SAMMSON: variants seen among roughly 807,000 people sequenced by gnomAD.
SAMMSON encodes the protein long intergenic non-protein coding RNA 1212.
intron 4 of SAMMSON, chr3:70,137,495 A>G (rs1013158621): frequency 6.6e-5 from 10 of 152,200 alleles, no homozygotes; most frequent in Admixed American, 6.5e-4. Flanking sequence ...TTATTGGGAC[A>G]CAATCATGCT....
chr3:70,061,971 C>T (rs1559783339), intron 3 of SAMMSON, among the ~76,000 whole-genome samples: 1 of 152,082 alleles, frequency 6.6e-6, no homozygotes, highest in Non-Finnish European at 1.5e-5. Flanking sequence ...GTCTTTGGAA[C>T]CCCCAGACTC....
chr3:70,316,244 GAACA>G (rs1405255056), intron 7 of SAMMSON, among the ~76,000 whole-genome samples: 3 of 152,130 alleles, frequency 2.0e-5, no homozygotes, highest in African/African-American at 7.2e-5. Flanking sequence ...AGAGCTTTTT[GAACA>G]AACAAATAAT....
intron 6 of SAMMSON, among the ~76,000 whole-genome samples, chr3:70,272,965 A>G (rs1701988380): frequency 6.6e-6 from 1 of 152,162 alleles, no homozygotes. Flanking sequence ...GTGCATTGTA[A>G]TTGGCATCTT....
intron 4 of SAMMSON, among the ~76,000 whole-genome samples, chr3:70,224,832 C>A (rs7650154): frequency 0.16 from 24,180 of 151,988 alleles, 3,146 homozygotes; most frequent in African/African-American, 0.37. Flanking sequence ...TTTCCCCCCC[C>A]ACACCTCACC....
chr3:70,067,761 C>G (rs1007898721), intron 3 of SAMMSON, among the ~76,000 whole-genome samples: 11 of 152,146 alleles, frequency 7.2e-5, no homozygotes, highest in Admixed American at 5.9e-4. Flanking sequence ...GCAATGTCAC[C>G]TGCAAAGAAT....
intron 4 of SAMMSON, chr3:70,075,348 C>T (rs1367819199): frequency 6.6e-6 from 1 of 152,064 alleles, no homozygotes; most frequent in African/African-American, 2.4e-5. Flanking sequence ...TACTCATGCT[C>T]TGTTAAAACA....
chr3:70,132,650 C>T (rs954832255), intron 4 of SAMMSON, among the ~76,000 whole-genome samples: 1 of 151,732 alleles, frequency 6.6e-6, no homozygotes, highest in Non-Finnish European at 1.5e-5. Flanking sequence ...TTCCAAATTT[C>T]GGAACCTTGG....
At chr3:70,326,211 C>G (rs563788420) in intron 7 of SAMMSON, among the ~76,000 whole-genome samples, 5 of 152,074 alleles carry the variant, frequency 3.3e-5, no homozygotes, top group African/African-American at 1.2e-4. Flanking sequence ...TATTTACTCT[C>G]AGAGTGTAAC....
intron 3 of SAMMSON, among the ~76,000 whole-genome samples, chr3:70,047,574 T>C (rs1456205165): frequency 6.6e-6 from 1 of 152,098 alleles, no homozygotes; most frequent in Non-Finnish European, 1.5e-5. Flanking sequence ...AATCTCGTGA[T>C]CTGCCCACCT....
chr3:70,008,807 C>A (rs546733930), intron 1 of SAMMSON, among the ~76,000 whole-genome samples: 1 of 152,118 alleles, frequency 6.6e-6, no homozygotes, highest in Non-Finnish European at 1.5e-5. Flanking sequence ...TTTTGAGATA[C>A]GTCCCATCAA....
At chr3:70,173,727 T>A (rs1212098133) in intron 4 of SAMMSON, among the ~76,000 whole-genome samples, 11 of 151,986 alleles carry the variant, frequency 7.2e-5, no homozygotes, top group Non-Finnish European at 2.9e-5. Context: ...GTCTTGTTAA[T>A]CATATTTGCC....
At chr3:70,355,149 G>T (rs1250314620) in intron 8 of SAMMSON, among the ~76,000 whole-genome samples, 1 of 152,144 alleles carries the variant, frequency 6.6e-6, no homozygotes, top group Non-Finnish European at 1.5e-5. Context: ...TGAATTCATA[G>T]AACAGCTGCT....
At chr3:70,216,006 T>G (rs529831021) in intron 4 of SAMMSON, among the ~76,000 whole-genome samples, 1 of 152,208 alleles carries the variant, frequency 6.6e-6, no homozygotes, top group South Asian at 2.1e-4. Flanking sequence ...TGCATTGATA[T>G]CTGTAGAACT....
chr3:70,039,593 TCACACACACACACACACACA>T (rs56058406), intron 3 of SAMMSON, among the ~76,000 whole-genome samples: 16 of 135,612 alleles, frequency 1.2e-4, no homozygotes, highest in South Asian at 5.4e-4. Flanking sequence ...ACACATCTCT[TCACACACACACACACACACA>T]CACACACACA....
chr3:70,233,424 C>T (rs1308983439), intron 4 of SAMMSON, among the ~76,000 whole-genome samples: 1 of 152,114 alleles, frequency 6.6e-6, no homozygotes, highest in African/African-American at 2.4e-5. Flanking sequence ...AATCACTTGC[C>T]AGCTGGCATT....
intron 4 of SAMMSON, among the ~76,000 whole-genome samples, chr3:70,094,002 C>G (rs1437351543): frequency 6.6e-6 from 1 of 152,120 alleles, no homozygotes; most frequent in Non-Finnish European, 1.5e-5. Flanking sequence ...GAACCAAAAA[C>G]CTGACTCTGG....
chr3:70,339,981 A>G (rs1412526062), intron 7 of SAMMSON, among the ~76,000 whole-genome samples: 9 of 152,102 alleles, frequency 5.9e-5, no homozygotes, highest in Non-Finnish European at 1.3e-4. Context: ...ACTATTCACA[A>G]TAGCAAAGAC....
chr3:70,376,635 A>T (rs1183129473), intron 9 of SAMMSON, among the ~76,000 whole-genome samples: 1 of 152,096 alleles, frequency 6.6e-6, no homozygotes, highest in African/African-American at 2.4e-5. Context: ...TTTCAACTTC[A>T]CGACCTCTTT....
At chr3:70,245,802 G>T (rs1419237956) in intron 4 of SAMMSON, among the ~76,000 whole-genome samples, 3 of 148,132 alleles carry the variant, frequency 2.0e-5, no homozygotes, top group African/African-American at 7.4e-5. Context: ...TTTAAAATGT[G>T]CTCTTCCTGT....
Sources: gnomAD v4.1 joint callset for allele counts (sites outside exome capture counted in the v4.1 genomes callset) on GRCh38, gnomAD v4.1.1 for gene constraint, MANE v1.5 for transcripts, NCBI Gene and HGNC (gene_info 2026-07-23, HGNC 2026-07-21) for gene names.